The following PCDHA5 variants were observed in gnomAD, a reference collection of about 807,000 sequenced individuals.
The protein encoded by PCDHA5 is protocadherin alpha 5.
PCDHA5 carries 43 observed loss-of-function variants against 61.6 expected under a neutral mutation model. That is an observed-to-expected ratio of 0.70 (90% confidence interval 0.55 to 0.90). The LOEUF (loss-of-function observed/expected upper bound fraction) is 0.90, where lower values mean the gene tolerates loss of function less well. Among genes scored for constraint, PCDHA5 ranks in the 40% least tolerant of loss-of-function variants. The pLI, the probability that PCDHA5 is intolerant of heterozygous loss-of-function variation, is 0.00. For missense variants in PCDHA5, 1,298 were observed against 1,222.7 expected (o/e 1.06, Z -0.92); for synonymous variants, 627 against 543.9 (o/e 1.15, Z -2.13).
In PCDHA5 at chr5:140,856,566, C is replaced by T. The variant is rs2044089469; in HGVS notation, c.2352+32439C>T. On this transcript the variant is annotated intron_variant, in intron 1 of 3. Transcript: ENST00000529859. ...GCATTGCTTACTTACAAACTCAGTC[C>T]AAATGAGTATTTTGTTCTTGATATT... is the stretch of plus-strand genomic sequence containing the variant. 2.5e-6 allele frequency: 4 copies of T among 1,597,124 alleles called. 1 individual carries two copies. Among genetic ancestry groups the T allele is most frequent in the Non-Finnish European group, 3.4e-6 (4 of 1,166,856 alleles).
chr5:140,871,643 C>G (rs1432039358), intron 1 of PCDHA5: 1 of 1,293,296 alleles, frequency 7.7e-7, no homozygotes, highest in Admixed American at 2.9e-5. Flanking sequence ...TCATAAAATA[C>G]CAAATGATAC....
At chr5:140,851,107 T>C in intron 1 of PCDHA5, 2 of 1,299,568 alleles carry the variant, frequency 1.5e-6, no homozygotes, top group Non-Finnish European at 2.0e-6. Context: ...TTTTGGGTGC[T>C]GAATCAATTT....
intron 1 of PCDHA5, among the ~76,000 whole-genome samples, chr5:140,880,929 A>T (rs2058535682): frequency 6.6e-6 from 1 of 152,232 alleles, no homozygotes; most frequent in African/African-American, 2.4e-5. Flanking sequence ...TATGTTAGTA[A>T]AAGTAATGGA....
intron 1 of PCDHA5, among the ~76,000 whole-genome samples, chr5:140,978,488 C>T (rs1453613410): frequency 6.6e-6 from 1 of 152,224 alleles, no homozygotes; most frequent in Non-Finnish European, 1.5e-5. Flanking sequence ...TCTGCAAAGC[C>T]AGCAGCAGAT....
intron 1 of PCDHA5, chr5:140,829,893 C>T: frequency 6.2e-7 from 1 of 1,613,966 alleles, no homozygotes; most frequent in South Asian, 1.1e-5. Context: ...GACGCCGACT[C>T]AGGCTACAAC....
intron 1 of PCDHA5, chr5:140,836,648 G>A (rs2150266786): frequency 1.4e-5 from 22 of 1,613,364 alleles, no homozygotes; most frequent in Non-Finnish European, 1.8e-5. Flanking sequence ...AGCAGAGGCG[G>A]CAGAGGGTGT....
chr5:140,841,267 A>C, intron 1 of PCDHA5: 1 of 1,524,772 alleles, frequency 6.6e-7, no homozygotes, highest in Non-Finnish European at 8.8e-7. Flanking sequence ...CTGAAAGTAC[A>C]GTCGTTCATC....
intron 1 of PCDHA5, chr5:140,877,158 G>A (rs781901798): frequency 1.2e-6 from 2 of 1,613,808 alleles, no homozygotes; most frequent in Admixed American, 3.3e-5. Context: ...ACGACAACGC[G>A]CCGGCACTGC....
intron 1 of PCDHA5, chr5:140,854,286 T>A: frequency 1.9e-6 from 1 of 522,000 alleles, no homozygotes; most frequent in Non-Finnish European, 2.5e-6. Flanking sequence ...AGTTTAGTTT[T>A]TATTATTTTG....
At chr5:140,832,690 A>T (rs1294300661) in intron 1 of PCDHA5, among the ~76,000 whole-genome samples, 1 of 152,324 alleles carries the variant, frequency 6.6e-6, no homozygotes, top group South Asian at 2.1e-4. Flanking sequence ...AATTAACAAG[A>T]CCTGGCTTCA....
At chr5:140,946,575 G>A (rs1554217641) in intron 1 of PCDHA5, among the ~76,000 whole-genome samples, 3 of 140,788 alleles carry the variant, frequency 2.1e-5, no homozygotes, top group Non-Finnish European at 4.6e-5. Flanking sequence ...ATCAACTTAG[G>A]TGTTCATAGT....
At chr5:140,840,901 G>T (rs1776933352) in intron 1 of PCDHA5, among the ~76,000 whole-genome samples, 1 of 151,852 alleles carries the variant, frequency 6.6e-6, no homozygotes, top group African/African-American at 2.4e-5. Flanking sequence ...TGACATACAG[G>T]TCATACTTAA....
intron 3 of PCDHA5, among the ~76,000 whole-genome samples, chr5:140,996,349 A>G (rs2097722990): frequency 6.6e-6 from 1 of 152,184 alleles, no homozygotes; most frequent in African/African-American, 2.4e-5. Flanking sequence ...AACCCAACCA[A>G]AGTCAGAAGC....
chr5:140,837,978 C>T (rs1554136732), intron 1 of PCDHA5, among the ~76,000 whole-genome samples: 1 of 151,764 alleles, frequency 6.6e-6, no homozygotes, highest in African/African-American at 2.4e-5. Context: ...CACACCCAGC[C>T]TGCCTTTCAT....
Position 140,883,949 on chromosome 5 carries a change from A to C in PCDHA5, c.2352+59822A>C, listed in dbSNP as rs566235340. On this transcript the variant is annotated intron_variant, in intron 1 of 3. Transcript: ENST00000529859. ...GGTGTTCGTGCTGGACGAGAACGAC[A>C]ACGCTCCGGCGCTGCTGACGCCCGG... 178 of 1,613,356 alleles carry C rather than the reference A, an allele frequency of 1.1e-4. 5 individuals carry two copies. The South Asian group carries it at 1.9e-3, about 18-fold the overall frequency.
intron 3 of PCDHA5, among the ~76,000 whole-genome samples, chr5:140,997,500 C>T (rs567570276): frequency 5.3e-4 from 80 of 152,250 alleles, no homozygotes; most frequent in South Asian, 3.9e-3. Context: ...TGTATCTCAA[C>T]ATACCTAAAC....
intron 1 of PCDHA5, chr5:140,858,353 G>A (rs782457995): frequency 6.3e-7 from 1 of 1,593,918 alleles, no homozygotes; most frequent in Non-Finnish European, 8.6e-7. Context: ...GGACCTCATG[G>A]CCTTCAGCCC....
intron 1 of PCDHA5, chr5:140,850,383 G>A (rs2150481860): frequency 2.5e-6 from 4 of 1,597,842 alleles, no homozygotes; most frequent in South Asian, 1.1e-5. Context: ...GTACACGGGC[G>A]AGATCAGCAC....
chr5:140,991,227 A>G (rs1172819040), intron 3 of PCDHA5, among the ~76,000 whole-genome samples: 2 of 152,224 alleles, frequency 1.3e-5, no homozygotes, highest in African/African-American at 4.8e-5. Flanking sequence ...TCATTAATAA[A>G]TGCAGTGGTA....
Sources: gnomAD v4.1 joint callset for allele counts (sites outside exome capture counted in the v4.1 genomes callset) on GRCh38, gnomAD v4.1.1 for gene constraint, MANE v1.5 for transcripts, NCBI Gene and HGNC (gene_info 2026-07-23, HGNC 2026-07-21) for gene names.